ACVR2A: variants seen among roughly 807,000 people sequenced by gnomAD.
The protein encoded by ACVR2A is activin receptor type-2A.
ACVR2A carries 7 observed loss-of-function variants against 61.4 expected under a neutral mutation model. That is an observed-to-expected ratio of 0.11 (90% CI 0.06 to 0.21). The LOEUF (loss-of-function observed/expected upper bound fraction) is 0.21, where lower values mean the gene tolerates loss of function less well. Among genes scored for constraint, ACVR2A ranks in the 10% least tolerant of loss-of-function variants. ACVR2A has a pLI of 1.00. For synonymous variants in ACVR2A, 193 were observed against 208.3 expected, an observed-to-expected ratio of 0.93 and a Z score of 0.63; for missense variants, 322 against 621.7, an observed-to-expected ratio of 0.52 and a Z score of 5.13.
chr2:147,873,234 C>A (rs1573923349), intron 1 of ACVR2A, among the ~76,000 whole-genome samples: 1 of 151,822 alleles, frequency 6.6e-6, no homozygotes, highest in South Asian at 2.1e-4. Context: ...AAAAGAAATG[C>A]AATGCCAGCA....
At chr2:147,918,621 A>G (rs755634937) in intron 7 of ACVR2A, 29 bp downstream of exon 7, 1 of 1,571,172 alleles carries the variant, frequency 6.4e-7, no homozygotes, top group South Asian at 1.2e-5. Context: ...GTTTTCCCAG[A>G]TAATTGAGTA....
chr2:147,930,355 GTT>G lies in ACVR2A; in HGVS notation c.*3097_*3098del, dbSNP rs5835176. 1,707 of 132,282 alleles carry G rather than the reference GTT, an allele frequency of 0.013. 40 individuals are homozygous for G. Among genetic ancestry groups the G allele is most frequent in the African/African-American group, 0.041 (1,532 of 37,008 alleles). The allele number at this position is 132,282 out of a possible 1,614,324, so 8.2% of individuals were successfully genotyped here. ...GAATAAACTGATTACTGGTTTTTTT[GTT>G]TTTTTTTTTTTTTTTAAAGAAAGAA... On this transcript the variant is annotated 3_prime_UTR_variant, in exon 11 of 11. Coordinates refer to ENST00000241416, the MANE Select transcript of ACVR2A (RefSeq NM_001616.5).
rs1687223003 is a variant in ACVR2A at position 147,915,297 on chromosome 2, T to G, written c.635T>G (p.Leu212Arg). The G allele has an allele frequency of 6.2e-7, 1 of 1,612,060 alleles. No homozygotes were observed. Among genetic ancestry groups the G allele is most frequent in the Non-Finnish European group, 8.5e-7 (1 of 1,178,616 alleles). Residue 212 changes from leucine to arginine, a missense_variant, in exon 5 of 11, where the codon CTT (leucine) becomes CGT (arginine). Coordinates refer to ENST00000241416, the MANE Select transcript of ACVR2A (RefSeq NM_001616.5). The stretch of plus-strand genomic sequence containing the variant: ...GGTTGTGTCTGGAAAGCCCAGTTGC[T>G]TAACGAATATGTGGCTGTCAAAATA... ...RFGCVWKAQL[L>R]NEYVAVKIFP... is the part of the protein sequence containing the mutation.
intron 8 of ACVR2A, among the ~76,000 whole-genome samples, chr2:147,920,710 G>C (rs140993126): frequency 6.6e-6 from 1 of 152,306 alleles, no homozygotes; most frequent in East Asian, 1.9e-4. Flanking sequence ...ATTAGTCACT[G>C]TCCTTACTAC....
At chr2:147,910,178 G>A (rs1687080888) in intron 4 of ACVR2A, among the ~76,000 whole-genome samples, 1 of 152,048 alleles carries the variant, frequency 6.6e-6, no homozygotes, top group Non-Finnish European at 1.5e-5. Flanking sequence ...CTTGGTGTCA[G>A]TTTGGGTTAT....
intron 4 of ACVR2A, among the ~76,000 whole-genome samples, chr2:147,900,243 C>A (rs1306708983): frequency 1.3e-5 from 2 of 151,978 alleles, no homozygotes; most frequent in African/African-American, 2.4e-5. Flanking sequence ...GCCCTCTGTC[C>A]CCTCCTCCAT....
chr2:147,860,470 A>G (rs1229074728), intron 1 of ACVR2A, among the ~76,000 whole-genome samples: 3 of 152,156 alleles, frequency 2.0e-5, no homozygotes, highest in Non-Finnish European at 4.4e-5. Context: ...TTAAAGTTAT[A>G]TTAAGGGAAA....
chr2:147,890,653 C>G (rs1460003917), intron 1 of ACVR2A, among the ~76,000 whole-genome samples: 1 of 152,008 alleles, frequency 6.6e-6, no homozygotes, highest in Non-Finnish European at 1.5e-5. Context: ...ATAGAATAAA[C>G]CTATGGGTAG....
chr2:147,862,768 A>G (rs1294658711), intron 1 of ACVR2A, among the ~76,000 whole-genome samples: 8 of 152,106 alleles, frequency 5.3e-5, no homozygotes, highest in Admixed American at 5.2e-4. Context: ...TGTTTTTCTA[A>G]CAGTCCATTG....
chr2:147,844,869 TTTG>T (rs995923695), upstream of ACVR2A: 6 of 329,974 alleles, frequency 1.8e-5, no homozygotes, highest in South Asian at 8.0e-5. Context: ...TAAACCCGCT[TTTG>T]TTGTTGTTGG....
chr2:147,916,263 G>T lies in ACVR2A; in HGVS notation c.672+929G>T, dbSNP rs187557380. On this transcript the variant is annotated intron_variant, in intron 5 of 10. Coordinates refer to ENST00000241416, the MANE Select transcript of ACVR2A (RefSeq NM_001616.5). ...TTTCAGAGAGAAAGTGTATTCTGTT[G>T]TGCCAAGATTCATAAATAAGATAAG... 3.2e-4 allele frequency among the ~76,000 whole-genome samples: 48 copies of T among 151,690 alleles called. 1 individual carries two copies. The highest frequency in any genetic ancestry group is 2.6e-3 in the Admixed American group (39 of 15,170).
rs572234179 is a variant in ACVR2A, at chr2:147,919,861, T to A, written c.963-369T>A. On this transcript the variant is annotated intron_variant, in intron 7 of 10. Coordinates refer to ENST00000241416, the MANE Select transcript of ACVR2A (RefSeq NM_001616.5). ...CAGCTATTTTTTAAAAGTTTCTTCA[T>A]TTTGGTTTAAAATTTCTGTTTCTAT... Among the ~76,000 whole-genome samples, 3 of 152,254 alleles carry A rather than the reference T, an allele frequency of 2.0e-5. No homozygotes were observed. The East Asian group carries it at 5.8e-4, about 29-fold the overall frequency.
chr2:147,888,781 G>A (rs1273584613), intron 1 of ACVR2A, among the ~76,000 whole-genome samples: 1 of 150,834 alleles, frequency 6.6e-6, no homozygotes, highest in East Asian at 2.0e-4. Flanking sequence ...TAGACAGTAT[G>A]CCCTTAAGTT....
At chr2:147,912,190 T>C (rs1254932149) in intron 4 of ACVR2A, among the ~76,000 whole-genome samples, 1 of 152,000 alleles carries the variant, frequency 6.6e-6, no homozygotes, top group Non-Finnish European at 1.5e-5. Context: ...AGTAATGATA[T>C]TGGGTAGTGG....
intron 4 of ACVR2A, among the ~76,000 whole-genome samples, chr2:147,906,177 G>A (rs1342919394): frequency 6.6e-6 from 1 of 151,934 alleles, no homozygotes; most frequent in African/African-American, 2.4e-5. Flanking sequence ...CTTCATTGCT[G>A]TCAAATCTTT....
chr2:147,891,462 A>G (rs887655137), intron 1 of ACVR2A, among the ~76,000 whole-genome samples: 7 of 151,984 alleles, frequency 4.6e-5, no homozygotes, highest in African/African-American at 1.5e-4. Flanking sequence ...CGCACAACCT[A>G]TGGGCCAAAT....
intron 1 of ACVR2A, among the ~76,000 whole-genome samples, chr2:147,859,459 T>A (rs139866345): frequency 6.7e-6 from 1 of 148,960 alleles, no homozygotes; most frequent in East Asian, 2.0e-4. Flanking sequence ...ATTTGAGGCT[T>A]ATAAAATCAG....
At chr2:147,854,033 C>T (rs1450852737) in intron 1 of ACVR2A, among the ~76,000 whole-genome samples, 1 of 152,052 alleles carries the variant, frequency 6.6e-6, no homozygotes, top group Non-Finnish European at 1.5e-5. Context: ...TTTAATCTAT[C>T]TTTAAGTCCC....
chr2:147,880,566 T>A (rs1317240367), intron 1 of ACVR2A, among the ~76,000 whole-genome samples: 4 of 152,194 alleles, frequency 2.6e-5, no homozygotes, highest in Non-Finnish European at 5.9e-5. Flanking sequence ...CTGTCTTACC[T>A]TGCAGGATAA....
Sources: allele counts gnomAD v4.1 joint callset (sites outside exome capture counted in the v4.1 genomes callset), GRCh38; gene constraint gnomAD v4.1.1; transcripts MANE v1.5; gene names NCBI Gene and HGNC (gene_info 2026-07-23, HGNC 2026-07-21).